Variants in PDK1 observed in about 807,000 individuals in gnomAD.
The protein encoded by PDK1 is pyruvate dehydrogenase kinase 1, also known as [Pyruvate dehydrogenase (acetyl-transferring)] kinase isozyme 1, mitochondrial.
In PDK1, 39 loss-of-function variants were observed where a neutral mutation model predicts 54.2. The ratio of observed to expected loss-of-function variants is 0.72; its 90% CI spans 0.56 to 0.94. PDK1 has a LOEUF of 0.94. Among genes scored for constraint, PDK1 ranks in the 40% least tolerant of loss-of-function variants. PDK1 has a pLI of 0.00. For missense variants in PDK1, 552 were observed against 566.0 expected, an observed-to-expected ratio of 0.98 and a Z score of 0.25; for synonymous variants, 221 against 207.1, an observed-to-expected ratio of 1.07 and a Z score of -0.58.
the PDK1 span, among the ~76,000 whole-genome samples, chr2:172,614,715 T>C: frequency 0.2 from 30,654 of 152,032 alleles, 3,553 homozygotes; most frequent in African/African-American, 0.3. Flanking sequence ...TAAAACTCTT[T>C]TTCACCCTTC....
At chr2:172,645,247 A>G in the PDK1 span, among the ~76,000 whole-genome samples, 1 of 146,784 alleles carries the variant, frequency 6.8e-6, no homozygotes, top group Non-Finnish European at 1.5e-5. Flanking sequence ...CAATGTACAC[A>G]GTACAAAATA....
rs1285228617 is a variant in PDK1, at chr2:172,605,245, C to T, written c.*9276C>T. 6.6e-6 allele frequency: 1 copy of T among 152,138 alleles called. No homozygotes were observed. Among genetic ancestry groups the T allele is most frequent in the Non-Finnish European group, 1.5e-5 (1 of 68,060 alleles). The allele number at this position is 152,138 out of a possible 1,614,324, so 9.4% of individuals were successfully genotyped here. A position where few individuals can be genotyped will look rare whatever the true frequency, so the allele number is the denominator to read the frequency against. The stretch of plus-strand genomic sequence containing the variant: ...AAATACCATAATGCCTCCTTCTATT[C>T]CACTATGAACAGTCAAGGACACTGG... On this transcript the variant is annotated 3_prime_UTR_variant, in exon 11 of 11. Transcript: ENST00000282077.
the PDK1 span, among the ~76,000 whole-genome samples, chr2:172,622,795 T>C: frequency 1.3e-5 from 2 of 148,188 alleles, no homozygotes; most frequent in African/African-American, 4.9e-5. Flanking sequence ...ATGTGAGATA[T>C]GTTTATATAT....
At chr2:172,650,927 C>A in the PDK1 span, among the ~76,000 whole-genome samples, 1 of 152,136 alleles carries the variant, frequency 6.6e-6, no homozygotes, top group African/African-American at 2.4e-5. Context: ...ATCAATGAGA[C>A]AGAAAGTTAC....
chr2:172,644,354 G>A, the PDK1 span, among the ~76,000 whole-genome samples: 1 of 152,186 alleles, frequency 6.6e-6, no homozygotes, highest in Admixed American at 6.5e-5. Context: ...AAACATGCCT[G>A]GGGCTTAAAT....
chr2:172,662,493 C>CGTGTGTGTGTGTGTGTGT, the PDK1 span, among the ~76,000 whole-genome samples: 25,852 of 143,378 alleles, frequency 0.18, 2,798 homozygotes, highest in Non-Finnish European at 0.24. Flanking sequence ...TTTTTAAAAT[C>CGTGTGTGTGTGTGTGTGT]GTGTGTGTGT....
the PDK1 span, among the ~76,000 whole-genome samples, chr2:172,656,823 T>A: frequency 1.3e-5 from 2 of 152,158 alleles, no homozygotes; most frequent in East Asian, 1.9e-4. Context: ...AGATAAAATT[T>A]AAAAAAAGTA....
the PDK1 span, among the ~76,000 whole-genome samples, chr2:172,668,285 T>TG: frequency 6.6e-6 from 1 of 151,616 alleles, no homozygotes; most frequent in African/African-American, 2.4e-5. Context: ...TTTATTTTTT[T>TG]TTTTTTTTGG....
At chr2:172,662,233 T>C in the PDK1 span, among the ~76,000 whole-genome samples, 2 of 152,164 alleles carry the variant, frequency 1.3e-5, no homozygotes, top group Admixed American at 1.3e-4. Context: ...AAAGATACAA[T>C]TATAAGATAT....
rs1691352873 is a variant in PDK1, at chr2:172,608,023, G to A, written c.*12054G>A. The A allele has an allele frequency of 6.6e-6, 1 of 152,150 alleles. No homozygotes were observed. Among genetic ancestry groups the A allele is most frequent in the South Asian group, 2.1e-4 (1 of 4,830 alleles). The allele number at this position is 152,150 out of a possible 1,614,324, so 9.4% of individuals were successfully genotyped here. A position where few individuals can be genotyped will look rare whatever the true frequency, so the allele number is the denominator to read the frequency against. On this transcript the variant is annotated 3_prime_UTR_variant, in exon 11 of 11. Coordinates refer to ENST00000282077, the MANE Select transcript of PDK1 (RefSeq NM_002610.5). ...AAAAGGTAAAAATCTGAATAATAAA[G>A]TTTATTAATAACAGTTTTAGTTAAT...
the PDK1 span, among the ~76,000 whole-genome samples, chr2:172,698,790 A>C: frequency 6.6e-6 from 1 of 152,246 alleles, no homozygotes; most frequent in Non-Finnish European, 1.5e-5. Context: ...GGTATTAAAC[A>C]ACACGCATGC....
At chr2:172,562,152 C>G in intron 2 of PDK1, 68 bp from the exon 3 acceptor site, 1 of 812,934 alleles carries the variant, frequency 1.2e-6, no homozygotes, top group South Asian at 1.6e-5. Flanking sequence ...AGCTTTTGAG[C>G]TAATTTTCAT....
At chr2:172,661,025 G>C in the PDK1 span, among the ~76,000 whole-genome samples, 1 of 152,200 alleles carries the variant, frequency 6.6e-6, no homozygotes, top group African/African-American at 2.4e-5. Flanking sequence ...ACTGACGTTG[G>C]GGGGTTGGTA....
the PDK1 span, among the ~76,000 whole-genome samples, chr2:172,645,577 G>A: frequency 6.6e-6 from 1 of 152,030 alleles, no homozygotes; most frequent in Non-Finnish European, 1.5e-5. Context: ...TTGCTTTATT[G>A]TGCTCTTAAT....
Position 172,607,945 on chromosome 2 carries a change from G to A in PDK1, c.*11976G>A, listed in dbSNP as rs1438988998. On this transcript the variant is annotated 3_prime_UTR_variant, in exon 11 of 11. Transcript: ENST00000282077. ...TATTTTTAAAAGGAGCTGTGTTTCA[G>A]TGTTAGACTGTAGTTATCCAAGCAG... 6.6e-6 allele frequency: 1 copy of A among 152,190 alleles called. No homozygotes were observed. Among genetic ancestry groups the A allele is most frequent in the African/African-American group, 2.4e-5 (1 of 41,444 alleles). The allele number at this position is 152,190 out of a possible 1,614,324, so 9.4% of individuals were successfully genotyped here. A position where few individuals can be genotyped will look rare whatever the true frequency, so the allele number is the denominator to read the frequency against.
the PDK1 span, among the ~76,000 whole-genome samples, chr2:172,698,295 A>T: frequency 6.6e-6 from 1 of 152,044 alleles, no homozygotes; most frequent in Admixed American, 6.6e-5. Flanking sequence ...CTCCACCAAG[A>T]ATCTCCCTCT....
the PDK1 span, among the ~76,000 whole-genome samples, chr2:172,702,436 C>A: frequency 6.6e-6 from 1 of 151,262 alleles, no homozygotes; most frequent in Non-Finnish European, 1.5e-5. Flanking sequence ...GAGATCGTGC[C>A]ATTGCACTCC....
At chr2:172,561,506 A>G (rs1483366791) in intron 2 of PDK1, among the ~76,000 whole-genome samples, 1 of 152,228 alleles carries the variant, frequency 6.6e-6, no homozygotes, top group African/African-American at 2.4e-5. Flanking sequence ...GATCCCTTAC[A>G]CTGTCGAAGA....
intron 8 of PDK1, among the ~76,000 whole-genome samples, chr2:172,581,232 A>G (rs988762882): frequency 6.6e-6 from 1 of 152,026 alleles, no homozygotes; most frequent in Admixed American, 6.6e-5. Context: ...CTGGGACTAC[A>G]GGCGCCTGCT....
Sources: gnomAD v4.1 joint callset for allele counts (sites outside exome capture counted in the v4.1 genomes callset) on GRCh38, gnomAD v4.1.1 for gene constraint, MANE v1.5 for transcripts, NCBI Gene and HGNC (gene_info 2026-07-23, HGNC 2026-07-21) for gene names.